Variants in ENTREP2 observed in about 807,000 individuals in gnomAD.
ENTREP2 encodes the protein endosomal transmembrane epsin interactor 2, also known as protein ENTREP2.
the ENTREP2 span, among the ~76,000 whole-genome samples, chr15:29,147,655 G>T: frequency 2.6e-5 from 4 of 152,246 alleles, no homozygotes; most frequent in Non-Finnish European, 4.4e-5. Context: ...GATCATAAAT[G>T]TTGGAGTGGA....
chr15:29,669,414 C>G, the ENTREP2 span, among the ~76,000 whole-genome samples: 1 of 152,172 alleles, frequency 6.6e-6, no homozygotes, highest in East Asian at 1.9e-4. Context: ...TGCCCGGCAC[C>G]ACCTTGGGAC....
the ENTREP2 span, among the ~76,000 whole-genome samples, chr15:29,300,647 G>A: frequency 5.1e-4 from 78 of 152,184 alleles, no homozygotes; most frequent in East Asian, 8.5e-3. Context: ...CAGCCAGGCC[G>A]GAGTGCAGTG....
the ENTREP2 span, among the ~76,000 whole-genome samples, chr15:29,485,092 C>T: frequency 7.8e-4 from 119 of 152,166 alleles, no homozygotes; most frequent in Non-Finnish European, 2.9e-4. Flanking sequence ...GAGTAGGCAG[C>T]TCCAAGGGTC....
the ENTREP2 span, among the ~76,000 whole-genome samples, chr15:29,148,479 C>T: frequency 1.4e-3 from 216 of 152,322 alleles, no homozygotes; most frequent in African/African-American, 5.0e-3. Context: ...TGGACATAAC[C>T]TACACACATC....
chr15:29,408,095 AT>A, the ENTREP2 span, among the ~76,000 whole-genome samples: 1 of 152,160 alleles, frequency 6.6e-6, no homozygotes, highest in Non-Finnish European at 1.5e-5. Flanking sequence ...TAGGTTGCAG[AT>A]TATTTTGTCT....
chr15:29,499,524 G>C, the ENTREP2 span, among the ~76,000 whole-genome samples: 3 of 151,618 alleles, frequency 2.0e-5, no homozygotes, highest in Non-Finnish European at 4.4e-5. Flanking sequence ...TAGGACTACA[G>C]GTGCACACAC....
the ENTREP2 span, among the ~76,000 whole-genome samples, chr15:29,225,998 TCCA>T: frequency 2.6e-5 from 4 of 152,174 alleles, no homozygotes; most frequent in Non-Finnish European, 5.9e-5. Flanking sequence ...TCTGACACTG[TCCA>T]CCACAGCCCC....
the ENTREP2 span, among the ~76,000 whole-genome samples, chr15:29,537,064 C>A: frequency 2.6e-5 from 4 of 152,306 alleles, no homozygotes; most frequent in South Asian, 2.1e-4. Context: ...AATACACCTT[C>A]TTTCTTCTGG....
chr15:29,158,689 ATTCCT>A, the ENTREP2 span, among the ~76,000 whole-genome samples: 1,391 of 152,272 alleles, frequency 9.1e-3, 18 homozygotes, highest in African/African-American at 0.031. Context: ...ATTCTATAAA[ATTCCT>A]TTACAAGGTG....
At chr15:29,215,885 G>T in the ENTREP2 span, among the ~76,000 whole-genome samples, 1 of 152,046 alleles carries the variant, frequency 6.6e-6, no homozygotes, top group Non-Finnish European at 1.5e-5. Context: ...GCAGTGGGTT[G>T]GTGAGTTCTT....
At chr15:29,127,306 C>T in the ENTREP2 span, among the ~76,000 whole-genome samples, 1 of 152,160 alleles carries the variant, frequency 6.6e-6, no homozygotes, top group Non-Finnish European at 1.5e-5. Flanking sequence ...CACCAGGTGC[C>T]CTCAGAGCCC....
At chr15:29,438,449 A>C in the ENTREP2 span, among the ~76,000 whole-genome samples, 2 of 152,168 alleles carry the variant, frequency 1.3e-5, no homozygotes, top group Non-Finnish European at 1.5e-5. Flanking sequence ...TAAAAGTGTC[A>C]CAGGACCTCC....
chr15:29,218,156 G>A, the ENTREP2 span, among the ~76,000 whole-genome samples: 427 of 152,194 alleles, frequency 2.8e-3, 3 homozygotes, highest in African/African-American at 9.5e-3. Context: ...AGGTGGCAGC[G>A]GGGTGCAATG....
At chr15:29,655,674 T>G in the ENTREP2 span, among the ~76,000 whole-genome samples, 1 of 151,816 alleles carries the variant, frequency 6.6e-6, no homozygotes, top group Non-Finnish European at 1.5e-5. Context: ...GAATTTCAAC[T>G]AAAAAATAAA....
At chr15:29,411,991 T>C in the ENTREP2 span, among the ~76,000 whole-genome samples, 1 of 152,234 alleles carries the variant, frequency 6.6e-6, no homozygotes, top group African/African-American at 2.4e-5. Context: ...AAATGAGTCT[T>C]ATACGTGGTA....
chr15:29,491,354 C>T, the ENTREP2 span, among the ~76,000 whole-genome samples: 1 of 152,170 alleles, frequency 6.6e-6, no homozygotes, highest in African/African-American at 2.4e-5. Flanking sequence ...GCTCCTCAAG[C>T]GTGGCCAAAG....
At chr15:29,222,303 C>CA in the ENTREP2 span, among the ~76,000 whole-genome samples, 1 of 152,110 alleles carries the variant, frequency 6.6e-6, no homozygotes, top group South Asian at 2.1e-4. Flanking sequence ...CCTATATGGT[C>CA]AAAAAGAAAA....
At chr15:29,235,069 G>A in the ENTREP2 span, 3 of 1,107,368 alleles carry the variant, frequency 2.7e-6, no homozygotes, top group Non-Finnish European at 2.8e-6. Flanking sequence ...GCCAGGACAG[G>A]TCCTCCAGCC....
the ENTREP2 span, among the ~76,000 whole-genome samples, chr15:29,314,076 G>A: frequency 6.6e-6 from 1 of 152,226 alleles, no homozygotes; most frequent in Admixed American, 6.5e-5. Context: ...GCAATCTCAT[G>A]AGAAAACTTT....
Sources: allele counts gnomAD v4.1 joint callset (sites outside exome capture counted in the v4.1 genomes callset), GRCh38; gene constraint gnomAD v4.1.1; transcripts MANE v1.5; gene names NCBI Gene and HGNC (gene_info 2026-07-23, HGNC 2026-07-21).